Variants in PCDHAC1 observed in about 807,000 individuals in gnomAD.
PCDHAC1 encodes protocadherin alpha-C1.
PCDHAC1 carries 42 observed loss-of-function variants against 60.0 expected under a neutral mutation model. That is an observed-to-expected ratio of 0.70 (90% confidence interval 0.55 to 0.90). The LOEUF (loss-of-function observed/expected upper bound fraction) is 0.90. PCDHAC1 is among the 40% of genes least tolerant of loss of function. The pLI is 0.00. For synonymous variants in PCDHAC1, 468 were observed against 499.3 expected (o/e 0.94, Z 0.84); for missense variants, 1,160 against 1,222.3 (o/e 0.95, Z 0.76).
Position 140,994,911 on chromosome 5 carries a change from A to G in PCDHAC1, c.2581+12348A>G, listed in dbSNP as rs527704488. Among the ~76,000 whole-genome samples, 14 of 152,340 alleles carry G rather than the reference A, an allele frequency of 9.2e-5. No homozygotes were observed. The East Asian group carries it at 1.7e-3, about 19-fold the overall frequency. On this transcript the variant is annotated intron_variant, in intron 3 of 3. Transcript: ENST00000253807. ...AAATGAGATCAGAAATGTAGACTGGAATCAGATTTTGTAGGACCTTAAACA... is the reference window on the plus strand; with the variant it reads ...AAATGAGATCAGAAATGTAGACTGGGATCAGATTTTGTAGGACCTTAAACA...
chr5:140,962,127 G>A (rs1198076557), intron 1 of PCDHAC1, among the ~76,000 whole-genome samples: 1 of 151,934 alleles, frequency 6.6e-6, no homozygotes, highest in East Asian at 1.9e-4. Flanking sequence ...CCTTGGCCTC[G>A]GCCTCCCAAA....
chr5:140,991,244 G>A (rs535469323), intron 3 of PCDHAC1, among the ~76,000 whole-genome samples: 2 of 152,278 alleles, frequency 1.3e-5, no homozygotes, highest in South Asian at 4.1e-4. Flanking sequence ...GGTAAAGGCA[G>A]TATTTGAACT....
At chr5:140,961,997 C>T (rs1160116142) in intron 1 of PCDHAC1, among the ~76,000 whole-genome samples, 1 of 152,080 alleles carries the variant, frequency 6.6e-6, no homozygotes, top group South Asian at 2.1e-4. Context: ...CATTGTCCTG[C>T]CTCAGCTTCC....
Position 141,010,227 on chromosome 5 carries a change from C to T in PCDHAC1, c.*290C>T. 6.4e-7 allele frequency: 1 copy of T among 1,551,876 alleles called. No homozygotes were observed. The highest frequency in any genetic ancestry group is 8.7e-7 in the Non-Finnish European group (1 of 1,147,036). On this transcript the variant is annotated 3_prime_UTR_variant, in exon 4 of 4. Coordinates refer to ENST00000253807, the MANE Select transcript of PCDHAC1 (RefSeq NM_018898.5). ...GCCGCAAAGGAGAGGCTTCCCAGCC[C>T]CGCCAGTGAGAGGTTGGACTCTCTG...
intron 1 of PCDHAC1, among the ~76,000 whole-genome samples, chr5:140,933,012 A>G (rs1554209160): frequency 6.6e-6 from 1 of 152,008 alleles, no homozygotes; most frequent in Middle Eastern, 3.2e-3. Flanking sequence ...CGGAAATATT[A>G]ACACTTGGCA....
intron 3 of PCDHAC1, among the ~76,000 whole-genome samples, chr5:140,999,451 C>T (rs1245812469): frequency 4.6e-5 from 7 of 152,084 alleles, no homozygotes; most frequent in African/African-American, 9.7e-5. Context: ...ATTCGTTCAA[C>T]GAATAAGTGG....
chr5:140,930,037 GC>G (rs2086548182), intron 1 of PCDHAC1: 6 of 152,140 alleles, frequency 3.9e-5, no homozygotes, highest in African/African-American at 1.4e-4. Flanking sequence ...TTTTGTAACT[GC>G]TTTGGAGTTT....
chr5:140,933,902 A>C (rs1285587221), intron 1 of PCDHAC1, among the ~76,000 whole-genome samples: 2 of 151,892 alleles, frequency 1.3e-5, no homozygotes, highest in African/African-American at 2.4e-5. Flanking sequence ...ATATTTTGGC[A>C]TAAAGTTGTT....
chr5:140,952,006 T>C (rs2094672029), intron 1 of PCDHAC1, among the ~76,000 whole-genome samples: 1 of 152,184 alleles, frequency 6.6e-6, no homozygotes, highest in African/African-American at 2.4e-5. Context: ...GAAAGAATTA[T>C]AGGCCCCATG....
intron 1 of PCDHAC1, among the ~76,000 whole-genome samples, chr5:140,958,215 T>G (rs1554223379): frequency 6.6e-6 from 1 of 152,132 alleles, no homozygotes; most frequent in Non-Finnish European, 1.5e-5. Context: ...GAATTAGATT[T>G]TAAAGGACTT....
rs576672695 is a variant in PCDHAC1, at chr5:140,976,134, A to G, written c.2434-2815A>G. On this transcript the variant is annotated intron_variant, in intron 1 of 3. Transcript: ENST00000253807. ...TTTTCCAAGTTTAATCAAGTTCTGG[A>G]TGAAACTCATGTACATTTTACTACT... Among the ~76,000 whole-genome samples the G allele has an allele frequency of 2.0e-5, 3 of 152,348 alleles. No homozygotes were observed. In the East Asian group the frequency reaches 5.8e-4, roughly 29 times the overall value.
At chr5:140,963,195 T>TG (rs1323958663) in intron 1 of PCDHAC1, among the ~76,000 whole-genome samples, 4 of 150,680 alleles carry the variant, frequency 2.7e-5, no homozygotes, top group Non-Finnish European at 5.9e-5. Flanking sequence ...ACTGTGAAAA[T>TG]GAAAAAAAAA....
intron 1 of PCDHAC1, among the ~76,000 whole-genome samples, chr5:140,973,377 G>T (rs1176312664): frequency 1.3e-5 from 2 of 152,208 alleles, no homozygotes; most frequent in Non-Finnish European, 2.9e-5. Context: ...ACAATGGTCA[G>T]AATAGACAAA....
In PCDHAC1 at chr5:140,943,486, T is replaced by C. The variant is rs573341102; in HGVS notation, c.2433+14161T>C. Among the ~76,000 whole-genome samples the C allele has an allele frequency of 2.6e-5, 4 of 152,178 alleles. No homozygotes were observed. The South Asian group carries it at 8.3e-4, about 32-fold the overall frequency. Reference sequence around the variant, plus strand: ...GTGGGAGATACAGTAAAATAATAAATAGATGCTATCAAGGTTCATGGAAAT... The same window carrying C: ...GTGGGAGATACAGTAAAATAATAAACAGATGCTATCAAGGTTCATGGAAAT... On this transcript the variant is annotated intron_variant, in intron 1 of 3. Coordinates refer to ENST00000253807, the MANE Select transcript of PCDHAC1 (RefSeq NM_018898.5).
chr5:140,929,180 G>A lies in PCDHAC1; in HGVS notation c.2288G>A (p.Gly763Asp). ...TYLYRASLGL[G>D]SDNNSLLLRG... ...CTCTATCGGGCCTCTCTGGGACTTG[G>A]TTCTGATAATAACAGTTTGCTGTTG... is the stretch of plus-strand genomic sequence containing the variant. Residue 763 changes from glycine (G) to aspartate (D), a missense_variant, in exon 1 of 4, where the codon GGT (glycine) becomes GAT (aspartate). By Grantham distance (94) the Gly-to-Asp change is moderately conservative (BLOSUM62 -1). Transcript: ENST00000253807. The A allele has an allele frequency of 6.2e-7, 1 of 1,614,150 alleles. No individual in the cohort carries two copies. The highest frequency in any genetic ancestry group is 8.5e-7 in the Non-Finnish European group (1 of 1,180,024).
chr5:140,982,789 G>A (rs894929116), intron 3 of PCDHAC1, among the ~76,000 whole-genome samples: 3 of 151,400 alleles, frequency 2.0e-5, no homozygotes, highest in Admixed American at 6.5e-5. Context: ...GTGCACGCAT[G>A]TGTGCATGTG....
intron 1 of PCDHAC1, among the ~76,000 whole-genome samples, chr5:140,964,638 A>T (rs1402541821): frequency 3.9e-5 from 6 of 152,098 alleles, no homozygotes; most frequent in Admixed American, 2.0e-4. Context: ...ATTTATTTTC[A>T]GAAACAAGTA....
In PCDHAC1 at chr5:140,936,310, T is replaced by C. The variant is rs541948860; in HGVS notation, c.2433+6985T>C. 5.3e-5 allele frequency among the ~76,000 whole-genome samples: 8 copies of C among 152,318 alleles called. No individual in the cohort carries two copies. The South Asian group carries it at 1.4e-3, about 28-fold the overall frequency. ...TATAACATTGCTATCCAATAGAACT[T>C]TCTGACATGCTATAAATTTTCTCTA... On this transcript the variant is annotated intron_variant, in intron 1 of 3. Transcript: ENST00000253807.
intron 1 of PCDHAC1, among the ~76,000 whole-genome samples, chr5:140,956,898 T>G (rs1554222699): frequency 6.6e-6 from 1 of 152,218 alleles, no homozygotes; most frequent in Admixed American, 6.6e-5. Flanking sequence ...ATGAATATTC[T>G]TAAATGTATA....
Sources: gnomAD v4.1 joint callset for allele counts (sites outside exome capture counted in the v4.1 genomes callset) on GRCh38, gnomAD v4.1.1 for gene constraint, MANE v1.5 for transcripts, NCBI Gene and HGNC (gene_info 2026-07-23, HGNC 2026-07-21) for gene names.